The following SLC24A4 variants were observed in gnomAD, a reference collection of about 807,000 sequenced individuals.
SLC24A4 encodes the protein sodium/potassium/calcium exchanger 4.
A neutral mutation model predicts 79.0 loss-of-function variants in SLC24A4; 53 were observed. The observed-to-expected ratio is 0.67, with a 90% CI of 0.54 to 0.84. SLC24A4 has a LOEUF of 0.84. SLC24A4 is among the 40% of genes least tolerant of loss of function. SLC24A4 has a pLI of 0.00. For missense variants in SLC24A4, 731 were observed against 822.0 expected, an observed-to-expected ratio of 0.89 and a Z score of 1.35; for synonymous variants, 323 against 323.8, an observed-to-expected ratio of 1.00 and a Z score of 0.03.
intron 2 of SLC24A4, among the ~76,000 whole-genome samples, chr14:92,351,079 T>A (rs1468074572): frequency 2.0e-5 from 3 of 152,114 alleles, no homozygotes; most frequent in Non-Finnish European, 2.9e-5. Context: ...GAAAATAAAT[T>A]TCTGTTGTTC....
intron 12 of SLC24A4, among the ~76,000 whole-genome samples, chr14:92,460,984 G>A (rs1893766617): frequency 6.6e-6 from 1 of 152,220 alleles, no homozygotes; most frequent in Admixed American, 6.5e-5. Context: ...CCTCCCAGGA[G>A]TGGGTGTGGG....
rs981379727 is a variant in SLC24A4 at position 92,496,513 on chromosome 14, G to A, written c.*2885G>A. The A allele has an allele frequency of 2.6e-5, 4 of 152,116 alleles. No homozygotes were observed. Among genetic ancestry groups the A allele is most frequent in the African/African-American group, 9.7e-5 (4 of 41,408 alleles). The allele number at this position is 152,116 out of a possible 1,614,324, so 9.4% of individuals were successfully genotyped here. A position where few individuals can be genotyped will look rare whatever the true frequency, so the allele number is the denominator to read the frequency against. On this transcript the variant is annotated 3_prime_UTR_variant, in exon 17 of 17. Transcript: ENST00000532405. ...AAACCATTGCACTCAGATGGAAAATGCCTATAGACACAGGAGCAGGTGGTT... is the reference window on the plus strand; with the variant it reads ...AAACCATTGCACTCAGATGGAAAATACCTATAGACACAGGAGCAGGTGGTT...
chr14:92,434,449 T>G (rs1159629105), intron 3 of SLC24A4, among the ~76,000 whole-genome samples: 1 of 152,222 alleles, frequency 6.6e-6, no homozygotes, highest in Non-Finnish European at 1.5e-5. Flanking sequence ...TTCAGTGTTA[T>G]GATGTTACAA....
chr14:92,386,070 C>T (rs1889140649), intron 2 of SLC24A4, among the ~76,000 whole-genome samples: 1 of 152,204 alleles, frequency 6.6e-6, no homozygotes. Flanking sequence ...TCCAAAGCAA[C>T]TGTGAGATCC....
intron 12 of SLC24A4, among the ~76,000 whole-genome samples, chr14:92,471,983 T>G (rs565082040): frequency 1.3e-5 from 2 of 152,352 alleles, no homozygotes; most frequent in South Asian, 4.1e-4. Flanking sequence ...GTATTCTTGA[T>G]GCTCTGGCAT....
intron 12 of SLC24A4, among the ~76,000 whole-genome samples, chr14:92,469,779 T>C (rs570659546): frequency 2.0e-5 from 3 of 152,300 alleles, no homozygotes; most frequent in African/African-American, 7.2e-5. Flanking sequence ...TGGATGAGCC[T>C]AGGAAATATA....
At chr14:92,378,398 A>C (rs150576506) in intron 2 of SLC24A4, among the ~76,000 whole-genome samples, 1 of 152,292 alleles carries the variant, frequency 6.6e-6, no homozygotes, top group African/African-American at 2.4e-5. Flanking sequence ...TCCCACCAGA[A>C]TGTATGGGGT....
Position 92,447,390 on chromosome 14 carries a change from A to C in SLC24A4, c.703A>C (p.Ile235Leu). 1 of 1,614,058 alleles carries C rather than the reference A, an allele frequency of 6.2e-7. No homozygotes were observed. The highest frequency in any genetic ancestry group is 1.3e-5 in the African/African-American group (1 of 75,002). ...QIVWWEGLVLIILYVFYILIM... is the reference protein window; with the variant it reads ...QIVWWEGLVLLILYVFYILIM... ...TTTGAGGTGGGAAGGCCTGGTGCTCATCATCTTGTATGTGTTTTATATTCT... is the reference window on the plus strand; with the variant it reads ...TTTGAGGTGGGAAGGCCTGGTGCTCCTCATCTTGTATGTGTTTTATATTCT... The change falls in exon 9 of 17, where the codon ATC becomes CTC. Residue 235 changes from isoleucine to leucine, a missense_variant. By Grantham distance (5) the Ile-to-Leu change is conservative. Transcript: ENST00000532405.
intron 2 of SLC24A4, among the ~76,000 whole-genome samples, chr14:92,358,617 C>T (rs1019384540): frequency 1.3e-5 from 2 of 151,974 alleles, no homozygotes; most frequent in Non-Finnish European, 2.9e-5. Flanking sequence ...CTTCCTGCAC[C>T]CCTCTCCATA....
rs1211745272 is a variant in SLC24A4, at chr14:92,441,086, C to T, written c.394-1003C>T. 6.6e-6 allele frequency among the ~76,000 whole-genome samples: 1 copy of T among 152,102 alleles called. No individual in the cohort carries two copies. Among genetic ancestry groups the T allele is most frequent in the African/African-American group, 2.4e-5 (1 of 41,394 alleles). On this transcript the variant is annotated intron_variant, in intron 4 of 16. Coordinates refer to ENST00000532405, the MANE Select transcript of SLC24A4 (RefSeq NM_153646.4). The surrounding 1 kb of genome is among the most constrained non-coding windows in gnomAD (Gnocchi z 4.6). ...CCCCCACCCCAGACTCCGTCAAGCC[C>T]AGAGCTCTAACCCTTCTGAGGACCC... is the stretch of plus-strand genomic sequence containing the variant.
chr14:92,492,426 G>T (rs369576199), intron 16 of SLC24A4, among the ~76,000 whole-genome samples, 186 bp downstream of exon 16: 5 of 152,300 alleles, frequency 3.3e-5, no homozygotes, highest in African/African-American at 1.2e-4. Context: ...TGGCACTCTC[G>T]CTGTGCTTTT....
At chr14:92,365,991 T>C (rs1887815010) in intron 2 of SLC24A4, among the ~76,000 whole-genome samples, 1 of 152,238 alleles carries the variant, frequency 6.6e-6, no homozygotes, top group South Asian at 2.1e-4. Context: ...GAGCTTACCA[T>C]GTGGCAGGCA....
intron 2 of SLC24A4, among the ~76,000 whole-genome samples, chr14:92,352,256 C>G (rs1321082304): frequency 6.6e-6 from 1 of 151,892 alleles, no homozygotes; most frequent in Non-Finnish European, 1.5e-5. Flanking sequence ...AGAGAGCCAC[C>G]CCAAAGGAAG....
intron 2 of SLC24A4, among the ~76,000 whole-genome samples, chr14:92,384,648 G>A (rs1889048198): frequency 6.6e-6 from 1 of 152,186 alleles, no homozygotes; most frequent in Non-Finnish European, 1.5e-5. Context: ...CTTCATGGAG[G>A]TGGCATTTTA....
chr14:92,362,979 C>T (rs375814831), intron 2 of SLC24A4, among the ~76,000 whole-genome samples: 2 of 152,134 alleles, frequency 1.3e-5, no homozygotes, highest in African/African-American at 2.4e-5. Flanking sequence ...TCAGCCTGCC[C>T]GACTTCTCTC....
intron 2 of SLC24A4, among the ~76,000 whole-genome samples, chr14:92,328,787 G>A (rs1339889001): frequency 6.6e-6 from 1 of 152,254 alleles, no homozygotes; most frequent in Non-Finnish European, 1.5e-5. Context: ...CCAAGGGAGT[G>A]CTGGGCCCAG....
intron 2 of SLC24A4, among the ~76,000 whole-genome samples, chr14:92,414,190 T>A (rs936654763): frequency 1.3e-5 from 2 of 152,248 alleles, no homozygotes; most frequent in East Asian, 3.9e-4. Flanking sequence ...TTCTTTGTTG[T>A]AGGGGGCTGT....
At chr14:92,351,083 G>A (rs1370234366) in intron 2 of SLC24A4, among the ~76,000 whole-genome samples, 1 of 152,120 alleles carries the variant, frequency 6.6e-6, no homozygotes, top group Non-Finnish European at 1.5e-5. Context: ...ATAAATTTCT[G>A]TTGTTCATAA....
chr14:92,351,633 G>T (rs928737990), intron 2 of SLC24A4, among the ~76,000 whole-genome samples: 3 of 152,158 alleles, frequency 2.0e-5, no homozygotes, highest in African/African-American at 7.2e-5. Context: ...GAGGCGGGTG[G>T]ATCACTTGAA....
Sources: allele counts gnomAD v4.1 joint callset (sites outside exome capture counted in the v4.1 genomes callset), GRCh38; gene constraint gnomAD v4.1.1; non-coding constraint Gnocchi (gnomAD v3.1); transcripts MANE v1.5; gene names NCBI Gene and HGNC (gene_info 2026-07-23, HGNC 2026-07-21).